The following EVA1C variants were observed in gnomAD, a reference collection of about 807,000 sequenced individuals.
EVA1C encodes protein eva-1 homolog C.
A neutral mutation model predicts 45.4 loss-of-function variants in EVA1C; 25 were observed. The ratio of observed to expected loss-of-function variants is 0.55; its 90% confidence interval spans 0.40 to 0.77. EVA1C has a LOEUF of 0.77. Among genes scored for constraint, EVA1C ranks in the 30% least tolerant of loss-of-function variants. EVA1C has a pLI of 0.00. For missense variants in EVA1C, 479 were observed against 554.8 expected (o/e 0.86, Z 1.37); for synonymous variants, 190 against 221.2 (o/e 0.86, Z 1.25).
chr21:32,508,894 T>G (rs2037859548), intron 7 of EVA1C, among the ~76,000 whole-genome samples: 1 of 152,186 alleles, frequency 6.6e-6, no homozygotes, highest in Non-Finnish European at 1.5e-5. Flanking sequence ...GCTGATCAAA[T>G]TAAAGTCATT....
At chr21:32,502,314 G>T (rs1173097688) in intron 6 of EVA1C, among the ~76,000 whole-genome samples, 1 of 152,006 alleles carries the variant, frequency 6.6e-6, no homozygotes, top group Non-Finnish European at 1.5e-5. Flanking sequence ...AGTCAGGCTG[G>T]TCTTGAACTC....
At chr21:32,460,618 T>A (rs953070406) in intron 3 of EVA1C, among the ~76,000 whole-genome samples, 3 of 152,168 alleles carry the variant, frequency 2.0e-5, no homozygotes, top group East Asian at 3.9e-4. Context: ...GGTGAGCACG[T>A]CCTCGGTAAC....
chr21:32,477,479 C>T (rs562331775), intron 4 of EVA1C, among the ~76,000 whole-genome samples: 5 of 152,190 alleles, frequency 3.3e-5, no homozygotes, highest in East Asian at 1.9e-4. Context: ...CTCAGTCTCA[C>T]GGGGTTTCAG....
intron 4 of EVA1C, among the ~76,000 whole-genome samples, chr21:32,492,261 G>A (rs1458542647): frequency 3.3e-5 from 5 of 152,006 alleles, no homozygotes; most frequent in African/African-American, 1.2e-4. Context: ...GAAGGATTAG[G>A]ATCACCCCTC....
chr21:32,457,900 A>G (rs539559519), intron 3 of EVA1C, among the ~76,000 whole-genome samples, 180 bp downstream of exon 3: 2 of 152,294 alleles, frequency 1.3e-5, no homozygotes, highest in South Asian at 2.1e-4. Context: ...CAGAGAAAGA[A>G]AGAGAGAGAG....
chr21:32,455,973 A>C (rs1467836015), intron 2 of EVA1C, among the ~76,000 whole-genome samples: 1 of 151,554 alleles, frequency 6.6e-6, no homozygotes, highest in East Asian at 1.9e-4. Context: ...GCTTACCACA[A>C]CCTCTGCCTC....
intron 3 of EVA1C, among the ~76,000 whole-genome samples, chr21:32,463,708 G>A (rs1227437938): frequency 6.6e-6 from 1 of 151,002 alleles, no homozygotes; most frequent in Admixed American, 6.6e-5. Context: ...GCTAATAAAT[G>A]CGTTTCATGA....
rs769281297 is a variant in EVA1C, at chr21:32,462,221, TA to T, written c.481+4521del. 9.0e-3 allele frequency among the ~76,000 whole-genome samples: 962 copies of T among 106,332 alleles called. 2 individuals carry two copies. Among genetic ancestry groups the T allele is most frequent in the Non-Finnish European group, 0.012 (594 of 51,448 alleles). The allele number at this position is 106,332 out of a possible 152,430, so 69.8% of individuals were successfully genotyped here. ...GGTAACATAGGGAGACCCCTATCTC[TA>T]AAAAAAAAAAAAAAAAAAACAATTA... On this transcript the variant is annotated intron_variant, in intron 3 of 7. Coordinates refer to ENST00000300255, the MANE Select transcript of EVA1C (RefSeq NM_058187.5).
intron 1 of EVA1C, among the ~76,000 whole-genome samples, chr21:32,423,874 T>A (rs2146124464): frequency 6.6e-6 from 1 of 152,330 alleles, no homozygotes; most frequent in East Asian, 1.9e-4. Flanking sequence ...GTGAACAGTC[T>A]GATTTCATGT....
intron 1 of EVA1C, among the ~76,000 whole-genome samples, chr21:32,441,260 G>A (rs2035164127): frequency 6.6e-6 from 1 of 152,148 alleles, no homozygotes; most frequent in Non-Finnish European, 1.5e-5. Context: ...AGATAAAGCA[G>A]AGTTAGGGGT....
chr21:32,422,139 G>A (rs1304593423), intron 1 of EVA1C, among the ~76,000 whole-genome samples: 1 of 151,886 alleles, frequency 6.6e-6, no homozygotes, highest in Admixed American at 6.6e-5. Context: ...GAAAAAACAG[G>A]TGTATTTGTA....
intron 1 of EVA1C, among the ~76,000 whole-genome samples, chr21:32,443,330 T>G (rs544396315): frequency 2.0e-4 from 31 of 152,202 alleles, no homozygotes; most frequent in African/African-American, 7.5e-4. Context: ...GGTCAGGAGT[T>G]GGAGATCAGC....
At chr21:32,475,882 T>TCTAC (rs1396914794) in intron 4 of EVA1C, among the ~76,000 whole-genome samples, 13 of 46,680 alleles carry the variant, frequency 2.8e-4, no homozygotes, top group African/African-American at 1.6e-3. Context: ...AAAAACTTTA[T>TCTAC]CTATCTATCT....
In EVA1C at chr21:32,452,410, C is replaced by G. The variant is rs943644540; in HGVS notation, c.161-902C>G. 3.9e-5 allele frequency: 6 copies of G among 152,248 alleles called. No individual in the cohort carries two copies. Among genetic ancestry groups the G allele is most frequent in the African/African-American group, 1.4e-4 (6 of 41,464 alleles). 9.4% of individuals were successfully genotyped at this position (152,248 alleles called of 1,614,324 possible). ...CTGCTGCTCAAACCCCTAGAGGGGGCATGCAGATGGACAGGTCGTGGGGAG... is the reference window on the plus strand; with the variant it reads ...CTGCTGCTCAAACCCCTAGAGGGGGGATGCAGATGGACAGGTCGTGGGGAG... On this transcript the variant is annotated intron_variant, in intron 1 of 7. Coordinates refer to ENST00000300255, the MANE Select transcript of EVA1C (RefSeq NM_058187.5). This position sits in a 1 kb window ranked among gnomAD's most constrained non-coding sequence, Gnocchi z 4.0.
At chr21:32,506,669 G>T (rs1327050497) in intron 7 of EVA1C, among the ~76,000 whole-genome samples, 1 of 152,116 alleles carries the variant, frequency 6.6e-6, no homozygotes, top group Non-Finnish European at 1.5e-5. Flanking sequence ...TCTAGAGGTG[G>T]GAAGCATGCA....
At position 32,513,326 on chromosome 21, in the gene EVA1C, G is replaced by A. The variant is rs918423389; in HGVS notation, c.950-1488G>A. On this transcript the variant is annotated intron_variant, in intron 7 of 7. Transcript: ENST00000300255. ...TGAGTAGCTGCGACTACAGGCGCCC[G>A]CCACCACACCCGGCTAGTTTTTTTT... Among the ~76,000 whole-genome samples the A allele has an allele frequency of 4.7e-5, 7 of 148,054 alleles. No homozygotes were observed. The East Asian group carries it at 7.9e-4, about 17-fold the overall frequency.
upstream of EVA1C, chr21:32,412,623 G>A: frequency 7.4e-6 from 3 of 403,616 alleles, no homozygotes; most frequent in Non-Finnish European, 1.3e-5. Context: ...GAAACTACGC[G>A]GATCCTTTTC....
At chr21:32,478,292 C>G (rs1280410660) in intron 4 of EVA1C, among the ~76,000 whole-genome samples, 1 of 152,080 alleles carries the variant, frequency 6.6e-6, no homozygotes, top group African/African-American at 2.4e-5. Flanking sequence ...GATCTCAGCT[C>G]ACTGCAACCT....
chr21:32,429,093 C>T (rs889832760), intron 1 of EVA1C, among the ~76,000 whole-genome samples: 1 of 152,154 alleles, frequency 6.6e-6, no homozygotes, highest in Admixed American at 6.5e-5. Context: ...GGTGCAATCT[C>T]AGCTCACGGC....
Sources: allele counts gnomAD v4.1 joint callset (sites outside exome capture counted in the v4.1 genomes callset), GRCh38; gene constraint gnomAD v4.1.1; non-coding constraint Gnocchi (gnomAD v3.1); transcripts MANE v1.5; gene names NCBI Gene and HGNC (gene_info 2026-07-23, HGNC 2026-07-21).